TLL1: variants seen among roughly 807,000 people sequenced by gnomAD.
TLL1 encodes tolloid-like protein 1.
Under a neutral mutation model 128.2 loss-of-function variants are expected in TLL1, and 49 were observed. The observed-to-expected ratio is 0.38, with a 90% CI of 0.30 to 0.48. The LOEUF is 0.48. TLL1 is among the 20% of genes least tolerant of loss of function. The probability of loss-of-function intolerance (pLI) is 0.96; values close to 1 mark genes in which losing one functional copy is unlikely to be tolerated. For synonymous variants in TLL1, 454 were observed against 418.8 expected (o/e 1.08, Z -1.03); for missense variants, 1,123 against 1,242.0 (o/e 0.90, Z 1.44).
At chr4:166,081,428 G>A (rs1741277351) in intron 18 of TLL1, among the ~76,000 whole-genome samples, 1 of 152,160 alleles carries the variant, frequency 6.6e-6, no homozygotes, top group African/African-American at 2.4e-5. Context: ...AGGCACTCAT[G>A]CACCTCCTGC....
chr4:166,013,369 T>G (rs1737790903), intron 7 of TLL1, among the ~76,000 whole-genome samples: 1 of 151,910 alleles, frequency 6.6e-6, no homozygotes, highest in African/African-American at 2.4e-5. Flanking sequence ...GACCTAGAAC[T>G]ATTTCCTAAT....
At chr4:166,019,213 A>G (rs1176920883) in intron 8 of TLL1, among the ~76,000 whole-genome samples, 2 of 152,214 alleles carry the variant, frequency 1.3e-5, no homozygotes, top group Admixed American at 6.5e-5. Flanking sequence ...ATAGAAAACC[A>G]AATACTGCAT....
At chr4:166,061,116 G>A (rs1163427354) in intron 15 of TLL1, among the ~76,000 whole-genome samples, 1 of 152,100 alleles carries the variant, frequency 6.6e-6, no homozygotes, top group African/African-American at 2.4e-5. Flanking sequence ...GAACGGAAAT[G>A]TAATGTATCT....
At chr4:166,030,694 A>C in intron 9 of TLL1, 1 of 1,103,464 alleles carries the variant, frequency 9.1e-7, no homozygotes, top group Non-Finnish European at 1.1e-6. Flanking sequence ...ATTCTTGTAC[A>C]TGTGGATATC....
At chr4:166,068,847 ATGT>A (rs1171017859) in intron 16 of TLL1, among the ~76,000 whole-genome samples, 5 of 151,822 alleles carry the variant, frequency 3.3e-5, no homozygotes, top group African/African-American at 1.2e-4. Flanking sequence ...ACAGTGTAAA[ATGT>A]TGTACGTGGT....
chr4:165,901,427 G>A (rs1315544300), intron 1 of TLL1, among the ~76,000 whole-genome samples: 3 of 152,130 alleles, frequency 2.0e-5, no homozygotes, highest in East Asian at 1.9e-4. Flanking sequence ...TGGGGTTTTT[G>A]TGTGGATGTC....
intron 1 of TLL1, among the ~76,000 whole-genome samples, chr4:165,892,332 C>T (rs1163208087): frequency 6.6e-6 from 1 of 152,150 alleles, no homozygotes; most frequent in African/African-American, 2.4e-5. Flanking sequence ...TACAGGGCCT[C>T]AAAGGAAATC....
chr4:165,961,856 A>T (rs946680514), intron 1 of TLL1, among the ~76,000 whole-genome samples: 1 of 152,010 alleles, frequency 6.6e-6, no homozygotes, highest in African/African-American at 2.4e-5. Flanking sequence ...AACACAATTT[A>T]AAAATATATA....
intron 1 of TLL1, among the ~76,000 whole-genome samples, chr4:165,971,635 A>G (rs1334462752): frequency 2.0e-5 from 3 of 152,208 alleles, no homozygotes; most frequent in Non-Finnish European, 4.4e-5. Context: ...GTGGGGGATG[A>G]GAAGCCCAAA....
intron 1 of TLL1, among the ~76,000 whole-genome samples, chr4:165,967,710 A>T (rs1027794067): frequency 6.6e-6 from 1 of 152,192 alleles, no homozygotes; most frequent in African/African-American, 2.4e-5. Context: ...ATGATGGGAC[A>T]TGCTGACAGG....
intron 20 of TLL1, 131 bp downstream of exon 20, chr4:166,099,658 T>C: frequency 1.6e-6 from 2 of 1,274,680 alleles, no homozygotes; most frequent in Non-Finnish European, 2.2e-6. Context: ...CATTGTATTA[T>C]AAATGGCTTG....
rs868118942 is a variant in TLL1, at chr4:165,873,714, A to G, written c.-191A>G. On this transcript the variant is annotated 5_prime_UTR_variant, in exon 1 of 21. Coordinates refer to ENST00000061240, the MANE Select transcript of TLL1 (RefSeq NM_012464.5). ...CAACTTCTCCCTGCGACTGGGGGTA[A>G]CAGGCAGTGCTTGCCCTCTCTACTG... The G allele has an allele frequency of 2.3e-4, 138 of 592,738 alleles. No homozygotes were observed. The highest frequency in any genetic ancestry group is 1.0e-3 in the African/African-American group (56 of 53,630). 36.7% of individuals were successfully genotyped at this position (592,738 alleles called of 1,614,324 possible).
At position 166,079,619 on chromosome 4, in the gene TLL1, A is replaced by G. The variant is rs536553526; in HGVS notation, c.2442+1589A>G. On this transcript the variant is annotated intron_variant, in intron 18 of 20. Coordinates refer to ENST00000061240, the MANE Select transcript of TLL1 (RefSeq NM_012464.5). ...CAGGTGTATGTGTTTGTGTGTGTGT[A>G]TATTTCTGTTTAGTAATTTTTTGGT... Among the ~76,000 whole-genome samples, 25 of 152,044 alleles carry G rather than the reference A, an allele frequency of 1.6e-4. 1 individual carries two copies. The South Asian group carries it at 5.2e-3, about 32-fold the overall frequency.
In TLL1 at chr4:166,057,439, C is replaced by G. The variant is rs181477976; in HGVS notation, c.1846+130C>G. ...ACCTCTTTCCTCAATTAGTAAGACT[C>G]AATTCACAGTCACAGCTGATGTGAA... is the stretch of plus-strand genomic sequence containing the variant. On this transcript the variant is annotated intron_variant, in intron 14 of 20. Coordinates refer to ENST00000061240, the MANE Select transcript of TLL1 (RefSeq NM_012464.5). The G allele has an allele frequency of 3.1e-4, 420 of 1,342,344 alleles. No homozygotes were observed. In the African/African-American group the frequency reaches 4.5e-3, roughly 14 times the overall value. 83.2% of individuals were successfully genotyped at this position (1,342,344 alleles called of 1,614,324 possible).
At chr4:166,040,382 A>G (rs1244254480) in intron 10 of TLL1, among the ~76,000 whole-genome samples, 2 of 152,194 alleles carry the variant, frequency 1.3e-5, no homozygotes, top group African/African-American at 4.8e-5. Flanking sequence ...CTTAGCCTAG[A>G]TGAAGCAATT....
intron 1 of TLL1, among the ~76,000 whole-genome samples, chr4:165,900,458 C>T (rs569267099): frequency 1.4e-4 from 21 of 151,052 alleles, no homozygotes; most frequent in South Asian, 8.4e-4. Flanking sequence ...AGCATTTGCT[C>T]GTCTGTAAAG....
intron 1 of TLL1, among the ~76,000 whole-genome samples, chr4:165,912,655 T>C (rs1732588569): frequency 6.6e-6 from 1 of 150,880 alleles, no homozygotes. Flanking sequence ...GGTTGCCAAG[T>C]CGATTTCCTC....
At chr4:166,077,213 G>A (rs551171048) in intron 17 of TLL1, among the ~76,000 whole-genome samples, 100 of 138,478 alleles carry the variant, frequency 7.2e-4, no homozygotes, top group African/African-American at 2.7e-3. Context: ...TGTCTAAAAT[G>A]AGGTTATTTT....
chr4:165,929,728 A>G (rs1332019275), intron 1 of TLL1, among the ~76,000 whole-genome samples: 1 of 152,194 alleles, frequency 6.6e-6, no homozygotes, highest in Non-Finnish European at 1.5e-5. Context: ...TTCTATTTCT[A>G]GCCTAGCAGA....
Sources: allele counts gnomAD v4.1 joint callset (sites outside exome capture counted in the v4.1 genomes callset), GRCh38; gene constraint gnomAD v4.1.1; transcripts MANE v1.5; gene names NCBI Gene and HGNC (gene_info 2026-07-23, HGNC 2026-07-21).